GPM6A: variants seen among roughly 807,000 people sequenced by gnomAD.
GPM6A encodes glycoprotein M6A, also known as neuronal membrane glycoprotein M6-a.
GPM6A carries 7 observed loss-of-function variants against 32.1 expected under a neutral mutation model. That is an observed-to-expected ratio of 0.22 (90% CI 0.12 to 0.41). GPM6A has a LOEUF of 0.41. Among genes scored for constraint, GPM6A ranks in the 10% least tolerant of loss-of-function variants. The pLI is 1.00. For synonymous variants in GPM6A, 130 were observed against 123.4 expected (o/e 1.05, Z -0.35); for missense variants, 235 against 347.2 (o/e 0.68, Z 2.57).
chr4:175,750,937 A>G (rs1732310200), intron 1 of GPM6A, among the ~76,000 whole-genome samples: 1 of 152,154 alleles, frequency 6.6e-6, no homozygotes, highest in Admixed American at 6.6e-5. Context: ...AAAGCAAAAT[A>G]TCATTATAAT....
intron 1 of GPM6A, among the ~76,000 whole-genome samples, chr4:175,869,024 C>T (rs957929373): frequency 1.3e-5 from 2 of 152,172 alleles, no homozygotes; most frequent in African/African-American, 4.8e-5. Flanking sequence ...TCAATAAATG[C>T]ATAGTATTCT....
chr4:175,872,162 C>G (rs1309393719), intron 1 of GPM6A, among the ~76,000 whole-genome samples: 2 of 152,132 alleles, frequency 1.3e-5, no homozygotes, highest in East Asian at 3.9e-4. Context: ...TTTTTATCTT[C>G]TCTCATTTTT....
intron 6 of GPM6A, among the ~76,000 whole-genome samples, chr4:175,637,252 AATATAAAATATATATT>A (rs1740716310): frequency 3.2e-5 from 2 of 61,576 alleles, no homozygotes; most frequent in Non-Finnish European, 5.8e-5. Flanking sequence ...TATTATATAT[AATATAAAATATATATT>A]ATATATTATA....
intron 1 of GPM6A, among the ~76,000 whole-genome samples, chr4:175,958,172 C>T (rs539392996): frequency 3.3e-5 from 5 of 152,330 alleles, no homozygotes; most frequent in East Asian, 1.9e-4. Flanking sequence ...GGATTACAGG[C>T]GTGAGCCACC....
At chr4:175,820,691 G>C (rs1735252904) in intron 1 of GPM6A, among the ~76,000 whole-genome samples, 2 of 151,418 alleles carry the variant, frequency 1.3e-5, no homozygotes, top group South Asian at 4.2e-4. Context: ...GTAGTGACAG[G>C]GTTTCACCAT....
At chr4:175,800,716 A>G (rs1011914193) in intron 1 of GPM6A, 1 of 189,138 alleles carries the variant, frequency 5.3e-6, no homozygotes, top group Non-Finnish European at 1.2e-5. Flanking sequence ...TGGTCAGGTT[A>G]ATGCCTGGGT....
chr4:175,711,003 G>GATGATAGGA (rs1745498117), intron 1 of GPM6A, among the ~76,000 whole-genome samples: 2 of 152,100 alleles, frequency 1.3e-5, no homozygotes, highest in Admixed American at 1.3e-4. Flanking sequence ...GCTGTCTGCA[G>GATGATAGGA]TGCTTTCTTG....
intron 1 of GPM6A, among the ~76,000 whole-genome samples, chr4:175,856,836 T>C (rs1049254647): frequency 5.9e-5 from 9 of 152,072 alleles, no homozygotes; most frequent in African/African-American, 1.4e-4. Context: ...CAGTGGAACT[T>C]GGGGTTTTTA....
At chr4:175,648,962 T>C (rs989028126) in intron 4 of GPM6A, among the ~76,000 whole-genome samples, 4 of 152,216 alleles carry the variant, frequency 2.6e-5, no homozygotes, top group African/African-American at 9.6e-5. Flanking sequence ...AATGTGTACA[T>C]CTTTGAGGAT....
chr4:175,913,988 A>G (rs572409794), intron 1 of GPM6A, among the ~76,000 whole-genome samples: 122 of 152,258 alleles, frequency 8.0e-4, no homozygotes, highest in Non-Finnish European at 1.4e-3. Context: ...GTCTCAATCA[A>G]TTTAGAGGAT....
At chr4:175,776,253 G>A (rs1192092906) in intron 1 of GPM6A, among the ~76,000 whole-genome samples, 1 of 152,040 alleles carries the variant, frequency 6.6e-6, no homozygotes, top group East Asian at 1.9e-4. Context: ...ATTTTTAACT[G>A]ACTTACCCCC....
In GPM6A at chr4:175,662,930, T is replaced by G. The variant is rs191165443; in HGVS notation, c.387+10750A>C. Among the ~76,000 whole-genome samples, 22 of 152,186 alleles carry G rather than the reference T, an allele frequency of 1.4e-4. No individual in the cohort carries two copies. The East Asian group carries it at 4.3e-3, about 29-fold the overall frequency. The stretch of plus-strand genomic sequence containing the variant: ...ATACAATTGGAAGCAAACATGGTAG[T>G]GAAATAACTATATATAAAATCATTA... On this transcript the variant is annotated intron_variant, in intron 3 of 6. Coordinates refer to ENST00000393658, the MANE Select transcript of GPM6A (RefSeq NM_201591.3).
chr4:175,789,445 C>T (rs1268077470), intron 1 of GPM6A, among the ~76,000 whole-genome samples: 1 of 152,082 alleles, frequency 6.6e-6, no homozygotes, highest in African/African-American at 2.4e-5. Context: ...CCATTATGTT[C>T]AATTTATCTT....
chr4:175,646,208 G>A (rs727917), intron 4 of GPM6A, among the ~76,000 whole-genome samples: 107,497 of 151,986 alleles, frequency 0.71, 40,748 homozygotes, highest in Non-Finnish European at 0.85. Flanking sequence ...ACCAAACAGA[G>A]GCTTAGCCTA....
intron 2 of GPM6A, among the ~76,000 whole-genome samples, chr4:175,698,489 C>T (rs1744695744): frequency 6.6e-6 from 1 of 152,112 alleles, no homozygotes; most frequent in South Asian, 2.1e-4. Flanking sequence ...AGCACTTTTT[C>T]CATTCCTCTG....
At chr4:175,792,785 G>C (rs930542302) in intron 1 of GPM6A, among the ~76,000 whole-genome samples, 2 of 152,020 alleles carry the variant, frequency 1.3e-5, no homozygotes, top group Admixed American at 6.6e-5. Flanking sequence ...AAATACATAT[G>C]GGATTCTCAT....
At chr4:175,858,403 G>A (rs1485605159) in intron 1 of GPM6A, among the ~76,000 whole-genome samples, 2 of 151,880 alleles carry the variant, frequency 1.3e-5, no homozygotes, top group Non-Finnish European at 2.9e-5. Flanking sequence ...GTGGTGGTGG[G>A]TGCCTATAAT....
At chr4:175,727,101 T>C (rs1731199889) in intron 1 of GPM6A, among the ~76,000 whole-genome samples, 1 of 152,102 alleles carries the variant, frequency 6.6e-6, no homozygotes, top group African/African-American at 2.4e-5. Flanking sequence ...TTGAAAATGG[T>C]CAAATTGCAG....
In GPM6A at chr4:175,671,994, A is replaced by AAAAAG. The variant is rs528920169; in HGVS notation, c.387+1685_387+1686insCTTTT. 4.8e-3 allele frequency among the ~76,000 whole-genome samples: 713 copies of AAAAAG among 147,266 alleles called. 4 individuals carry two copies. Among genetic ancestry groups the AAAAAG allele is most frequent in the South Asian group, 6.4e-3 (30 of 4,696 alleles). On this transcript the variant is annotated intron_variant, in intron 3 of 6. Coordinates refer to ENST00000393658, the MANE Select transcript of GPM6A (RefSeq NM_201591.3). ...ATTGTTACCATTATAGAAAAAAAAA[A>AAAAAG]AAAGAAAGAAAGAAAACGTGGCTCA...
Sources: allele counts gnomAD v4.1 joint callset (sites outside exome capture counted in the v4.1 genomes callset), GRCh38; gene constraint gnomAD v4.1.1; transcripts MANE v1.5; gene names NCBI Gene and HGNC (gene_info 2026-07-23, HGNC 2026-07-21).